The following BSN variants were observed in gnomAD, a reference collection of about 807,000 sequenced individuals.
The protein encoded by BSN is bassoon presynaptic cytomatrix protein.
In BSN, 57 loss-of-function variants were observed where a neutral mutation model predicts 264.8. The observed-to-expected ratio is 0.22, with a 90% CI of 0.17 to 0.27. The LOEUF (loss-of-function observed/expected upper bound fraction) is 0.27, where lower values mean the gene tolerates loss of function less well. BSN is among the 10% of genes least tolerant of loss of function. The pLI is 1.00. For missense variants in BSN, 4,615 were observed against 5,232.5 expected (o/e 0.88, Z 3.64); for synonymous variants, 2,059 against 2,137.3 (o/e 0.96, Z 1.01).
chr3:49,655,509 T>G lies in BSN; in HGVS notation c.5953T>G (p.Ser1985Ala). Residue 1985 changes from serine (S) to alanine (A), a missense_variant, in exon 5 of 12, where the codon TCT (serine) becomes GCT (alanine). By Grantham distance (99) the Ser-to-Ala change is moderately conservative. Coordinates refer to ENST00000296452, the MANE Select transcript of BSN (RefSeq NM_003458.4). ...GCCTGGTAGGCTGTACTCCTCCATG[T>G]CTGACACCAATTTGGCTGAGGCTGG... ...GLPGRLYSSM[S>A]DTNLAEAGLN... The G allele has an allele frequency of 6.2e-7, 1 of 1,608,334 alleles. No individual in the cohort carries two copies.
chr3:49,560,895 G>A (rs540006433), intron 1 of BSN, among the ~76,000 whole-genome samples: 6 of 152,158 alleles, frequency 3.9e-5, no homozygotes, highest in Non-Finnish European at 8.8e-5. Context: ...TGGCCCATTT[G>A]TCTTATATTT....
intron 5 of BSN, among the ~76,000 whole-genome samples, chr3:49,659,955 G>T (rs1559618321): frequency 6.6e-6 from 1 of 152,096 alleles, no homozygotes. Flanking sequence ...GATGCAGAAT[G>T]ACTCAGAGCC....
intron 1 of BSN, among the ~76,000 whole-genome samples, chr3:49,604,995 C>G (rs943383849): frequency 6.6e-6 from 1 of 151,726 alleles, no homozygotes; most frequent in African/African-American, 2.4e-5. Flanking sequence ...CGCGGTAGCT[C>G]ACGCCTGTAA....
intron 9 of BSN, 38 bp from the exon 10 acceptor site, chr3:49,664,761 C>G (rs761550012): frequency 1.2e-6 from 2 of 1,612,782 alleles, no homozygotes; most frequent in Admixed American, 1.7e-5. Context: ...GGGTCTGGCC[C>G]AATTTCCTGA....
rs757224173 is a variant in BSN at position 49,655,046 on chromosome 3, G to C, written c.5490G>C (p.Lys1830Asn). 1.2e-6 allele frequency: 2 copies of C among 1,613,104 alleles called. No individual in the cohort carries two copies. Among genetic ancestry groups the C allele is most frequent in the Non-Finnish European group, 1.7e-6 (2 of 1,180,032 alleles). The change falls in exon 5 of 12, where the codon AAG (lysine) becomes AAC (asparagine). Residue 1830 changes from lysine to asparagine, a missense_variant. Around this residue, in one of 3 missense-constraint regions of BSN, gnomAD observed 3,415 missense variants for 3,866.4 expected, o/e 0.88. Transcript: ENST00000296452. Reference protein sequence around the residue: ...QMGTAQSIGLKPGPVPEPGAE... With the variant: ...QMGTAQSIGLNPGPVPEPGAE... ...GCACCGCCCAGAGCATTGGCCTCAA[G>C]CCAGGCCCAGTGCCAGAGCCAGGTG...
rs367717582 is a variant in BSN at position 49,652,739 on chromosome 3, G to A, written c.3183G>A (p.Glu1061=). Residue 1061 remains glutamate, a synonymous_variant, in exon 5 of 12, where the codon GAG becomes GAA. Coordinates refer to ENST00000296452, the MANE Select transcript of BSN (RefSeq NM_003458.4). The part of the protein sequence containing the change: ...ELLREQEKMR[E]VEQQRIRSTA... Reference sequence around the variant, plus strand: ...TTCGTGAGCAAGAGAAGATGCGGGAGGTGGAGCAGCAGCGCATCCGCAGCA... The same window carrying A: ...TTCGTGAGCAAGAGAAGATGCGGGAAGTGGAGCAGCAGCGCATCCGCAGCA... 6 of 1,561,218 alleles carry A rather than the reference G, an allele frequency of 3.8e-6. No homozygotes were observed. The highest frequency in any genetic ancestry group is 2.7e-5 in the African/African-American group (2 of 73,370).
intron 1 of BSN, among the ~76,000 whole-genome samples, chr3:49,623,534 C>T (rs2052320099): frequency 6.6e-6 from 1 of 152,246 alleles, no homozygotes; most frequent in Admixed American, 6.5e-5. Flanking sequence ...CTGTTGGCTC[C>T]TTTGCAGCCA....
chr3:49,561,960 A>T (rs1020396127), intron 1 of BSN, among the ~76,000 whole-genome samples: 4 of 152,126 alleles, frequency 2.6e-5, no homozygotes, highest in African/African-American at 9.7e-5. Context: ...AGTGTGTGCC[A>T]CCATGCCCGT....
At chr3:49,567,461 G>A (rs1160556851) in intron 1 of BSN, among the ~76,000 whole-genome samples, 2 of 152,218 alleles carry the variant, frequency 1.3e-5, no homozygotes, top group African/African-American at 4.8e-5. Context: ...AGAATTCACT[G>A]ATCTAGACCG....
chr3:49,663,840 G>A lies in BSN; in HGVS notation c.11562G>A (p.Gln3854=), dbSNP rs1410031534. The stretch of plus-strand genomic sequence containing the variant: ...AAGGGACAGCCAAAGCACCGCAACA[G>A]GGGAGGGCTCCTCAGGCCCAGCCAG... ...GSKGTAKAPQ[Q]GRAPQAQPAP... The change falls in exon 8 of 12, where the codon CAG becomes CAA. Residue 3854 remains glutamine (Q), a synonymous_variant. Coordinates refer to ENST00000296452, the MANE Select transcript of BSN (RefSeq NM_003458.4). 3 of 1,613,982 alleles carry A rather than the reference G, an allele frequency of 1.9e-6. No individual in the cohort carries two copies. The Admixed American group carries it at 5.0e-5, about 27-fold the overall frequency.
chr3:49,641,926 C>T (rs1454987031), intron 2 of BSN, among the ~76,000 whole-genome samples: 1 of 151,900 alleles, frequency 6.6e-6, no homozygotes, highest in Non-Finnish European at 1.5e-5. Flanking sequence ...CTACTGGGTT[C>T]ATCCGAGCGG....
chr3:49,588,937 C>CA (rs1297799119), intron 1 of BSN, among the ~76,000 whole-genome samples: 1 of 147,896 alleles, frequency 6.8e-6, no homozygotes, highest in African/African-American at 2.5e-5. Context: ...TTTTTTGAGA[C>CA]AGAGTCTCGC....
chr3:49,662,944 A>C lies in BSN; in HGVS notation c.10786A>C (p.Arg3596=). 1 of 1,613,934 alleles carries C rather than the reference A, an allele frequency of 6.2e-7. No individual in the cohort carries two copies. The part of the protein sequence containing the change: ...KPRDARSDRF[R]HHGGHAVSSS... ...CCGGGATGCCCGCTCTGACCGGTTC[A>C]GGCACCACGGGGGCCATGCAGTTTC... Residue 3596 remains arginine (R), a synonymous_variant, in exon 7 of 12, where the codon AGG becomes CGG. Transcript: ENST00000296452.
intron 1 of BSN, among the ~76,000 whole-genome samples, chr3:49,584,358 C>T (rs191556440): frequency 1.2e-3 from 176 of 151,474 alleles, no homozygotes; most frequent in African/African-American, 4.0e-3. Context: ...CTGTATTTCA[C>T]CTCTAATCTT....
Position 49,625,021 on chromosome 3 carries a change from G to T in BSN, c.271G>T (p.Ala91Ser). 1 of 1,569,816 alleles carries T rather than the reference G, an allele frequency of 6.4e-7. No individual in the cohort carries two copies. Among genetic ancestry groups the T allele is most frequent in the South Asian group, 1.2e-5 (1 of 85,622 alleles). The change falls in exon 2 of 12, where the codon GCA (alanine) becomes TCA (serine). Residue 91 changes from alanine (A) to serine (S), a missense_variant. Around this residue, in one of 3 missense-constraint regions of BSN, gnomAD observed 1,197 missense variants for 1,348.0 expected, o/e 0.89. Coordinates refer to ENST00000296452, the MANE Select transcript of BSN (RefSeq NM_003458.4). The surrounding 1 kb of genome is among the most constrained non-coding windows in gnomAD (Gnocchi z 4.4). ...CAAGGAACCCCTGGGTAACCAGAGA[G>T]CAGCTTCCCCAACTCCGAAGCAGGC... Reference protein sequence around the residue: ...DPKEPLGNQRAASPTPKQASA... With the variant: ...DPKEPLGNQRSASPTPKQASA...
intron 2 of BSN, among the ~76,000 whole-genome samples, chr3:49,641,096 A>G (rs1192578521): frequency 6.6e-6 from 1 of 152,162 alleles, no homozygotes; most frequent in Non-Finnish European, 1.5e-5. Context: ...GTGGAAATCC[A>G]CTTAGAGTGT....
intron 1 of BSN, among the ~76,000 whole-genome samples, chr3:49,604,618 G>T (rs1041524180): frequency 6.6e-6 from 1 of 152,044 alleles, no homozygotes; most frequent in African/African-American, 2.4e-5. Flanking sequence ...TCATCTATCA[G>T]TGGACATGGT....
chr3:49,608,171 G>A (rs2052173765), intron 1 of BSN, among the ~76,000 whole-genome samples: 1 of 152,242 alleles, frequency 6.6e-6, no homozygotes, highest in South Asian at 2.1e-4. Flanking sequence ...GGCTGAGAGA[G>A]AAGGAAAGGC....
chr3:49,583,748 A>G (rs2051912495), intron 1 of BSN, among the ~76,000 whole-genome samples: 1 of 152,168 alleles, frequency 6.6e-6, no homozygotes, highest in Admixed American at 6.5e-5. Flanking sequence ...TTATAGGTCT[A>G]TTCCGATTTT....
Sources: gnomAD v4.1 joint callset for allele counts (sites outside exome capture counted in the v4.1 genomes callset) on GRCh38, gnomAD v4.1.1 for gene constraint, gnomAD v4.1.1 regional missense constraint, Gnocchi (gnomAD v3.1) non-coding constraint, MANE v1.5 for transcripts, NCBI Gene and HGNC (gene_info 2026-07-23, HGNC 2026-07-21) for gene names.